Variants in STPG2 observed in about 807,000 individuals in gnomAD.
STPG2 encodes sperm-tail PG-rich repeat-containing protein 2.
Under a neutral mutation model 54.2 loss-of-function variants are expected in STPG2, and 56 were observed. The ratio of observed to expected loss-of-function variants is 1.03; its 90% CI spans 0.83 to 1.29. STPG2 has a LOEUF of 1.29. Among genes scored for constraint, STPG2 ranks in the 50% most tolerant of loss-of-function variants. The pLI is 0.00. For synonymous variants in STPG2, 200 were observed against 181.8 expected (o/e 1.10, Z -0.81); for missense variants, 596 against 544.9 (o/e 1.09, Z -0.93).
chr4:97,683,373 A>G (rs1723088794), intron 10 of STPG2, among the ~76,000 whole-genome samples: 1 of 151,978 alleles, frequency 6.6e-6, no homozygotes, highest in Middle Eastern at 3.4e-3. Context: ...TTTATTTACA[A>G]TTAGCAACAA....
At chr4:98,137,269 G>A (rs1324805850) in intron 1 of STPG2, among the ~76,000 whole-genome samples, 3 of 151,038 alleles carry the variant, frequency 2.0e-5, no homozygotes, top group Non-Finnish European at 4.4e-5. Flanking sequence ...AATGATAAAG[G>A]GGTCATTTCA....
At chr4:97,449,863 C>G (rs1459616384) in intron 4 of STPG2, among the ~76,000 whole-genome samples, 1 of 152,148 alleles carries the variant, frequency 6.6e-6, no homozygotes, top group Non-Finnish European at 1.5e-5. Context: ...TCCACATATC[C>G]TATTGTTTTG....
chr4:97,866,463 C>A (rs1176107916), intron 8 of STPG2, among the ~76,000 whole-genome samples: 3 of 151,850 alleles, frequency 2.0e-5, no homozygotes, highest in Non-Finnish European at 4.4e-5. Context: ...GGTTTGATAT[C>A]CTTCTTAATG....
chr4:97,849,776 T>C (rs1729091643), intron 8 of STPG2, among the ~76,000 whole-genome samples: 1 of 151,476 alleles, frequency 6.6e-6, no homozygotes, highest in Admixed American at 6.6e-5. Flanking sequence ...AAACAACAGG[T>C]GCTGGAGAGG....
chr4:97,796,711 A>C (rs1300706814), intron 9 of STPG2, among the ~76,000 whole-genome samples: 1 of 152,180 alleles, frequency 6.6e-6, no homozygotes, highest in Non-Finnish European at 1.5e-5. Flanking sequence ...TATAAACTTT[A>C]AAGTAGTTTT....
chr4:97,959,224 G>C (rs1218370098), intron 7 of STPG2, among the ~76,000 whole-genome samples: 1 of 152,108 alleles, frequency 6.6e-6, no homozygotes, highest in East Asian at 1.9e-4. Context: ...CAAAGGTAGT[G>C]CTAAGAGGAA....
chr4:97,853,769 G>A (rs1027738020), intron 8 of STPG2, among the ~76,000 whole-genome samples: 3 of 152,026 alleles, frequency 2.0e-5, no homozygotes, highest in Non-Finnish European at 2.9e-5. Flanking sequence ...AAAATGCTAC[G>A]GAAGTGATAC....
In STPG2 at chr4:98,073,490, C is replaced by T. The variant is rs1416636712; in HGVS notation, c.612+32463G>A. ...CCTGTAATCCCAGCACTTTGGGAAG[C>T]CGAGGCAGGTGGATCACCTGAGGTC... On this transcript the variant is annotated intron_variant, in intron 5 of 10. Transcript: ENST00000295268. 7.2e-5 allele frequency among the ~76,000 whole-genome samples: 11 copies of T among 152,098 alleles called. 1 individual carries two copies.
At chr4:97,910,230 A>T (rs2149198770) in intron 8 of STPG2, among the ~76,000 whole-genome samples, 1 of 152,284 alleles carries the variant, frequency 6.6e-6, no homozygotes, top group Admixed American at 6.5e-5. Flanking sequence ...GAGCCATGTC[A>T]TCGAACTCAT....
At chr4:97,917,862 T>G (rs1731943836) in intron 8 of STPG2, among the ~76,000 whole-genome samples, 1 of 152,250 alleles carries the variant, frequency 6.6e-6, no homozygotes, top group African/African-American at 2.4e-5. Flanking sequence ...ATTAAATATT[T>G]CATAACTATA....
At chr4:98,101,047 T>C (rs1225040924) in intron 5 of STPG2, among the ~76,000 whole-genome samples, 1 of 129,444 alleles carries the variant, frequency 7.7e-6, no homozygotes, top group Non-Finnish European at 1.7e-5. Context: ...TAAAACTGGT[T>C]ATTTCTTCTT....
chr4:97,838,908 C>G (rs1467052156), intron 9 of STPG2, among the ~76,000 whole-genome samples: 1 of 151,426 alleles, frequency 6.6e-6, no homozygotes, highest in Non-Finnish European at 1.5e-5. Context: ...CTGTTATTAT[C>G]CCTTTGAAGT....
At chr4:98,117,075 A>G (rs1461001926) in intron 3 of STPG2, among the ~76,000 whole-genome samples, 1 of 152,010 alleles carries the variant, frequency 6.6e-6, no homozygotes, top group African/African-American at 2.4e-5. Context: ...TTGTCTGATA[A>G]CATTTCATTT....
At chr4:97,801,315 T>C (rs1169639934) in intron 9 of STPG2, among the ~76,000 whole-genome samples, 17 of 152,170 alleles carry the variant, frequency 1.1e-4, no homozygotes, top group Non-Finnish European at 1.5e-5. Context: ...TATTCAGCCA[T>C]CTTGGAACCT....
At chr4:98,070,843 T>G (rs745686890) in intron 5 of STPG2, among the ~76,000 whole-genome samples, 3 of 152,070 alleles carry the variant, frequency 2.0e-5, no homozygotes, top group Non-Finnish European at 4.4e-5. Context: ...TACAAACCAC[T>G]GCTTAAGGAA....
At chr4:97,952,441 G>A (rs996551956) in intron 7 of STPG2, among the ~76,000 whole-genome samples, 6 of 152,108 alleles carry the variant, frequency 3.9e-5, no homozygotes, top group Non-Finnish European at 7.4e-5. Context: ...CCTGCCAGCT[G>A]GATTCTTTTG....
chr4:97,827,642 A>G (rs1728304242), intron 9 of STPG2, among the ~76,000 whole-genome samples: 1 of 152,214 alleles, frequency 6.6e-6, no homozygotes, highest in African/African-American at 2.4e-5. Flanking sequence ...AGCCGTGGGT[A>G]TTCTTAACTT....
intron 9 of STPG2, among the ~76,000 whole-genome samples, chr4:97,827,759 C>G (rs865864414): frequency 6.6e-6 from 1 of 152,166 alleles, no homozygotes; most frequent in African/African-American, 2.4e-5. Context: ...TGGAATGGCA[C>G]ACTTTCCTTT....
chr4:97,519,214 A>G (rs1731133825), intron 4 of STPG2, among the ~76,000 whole-genome samples: 1 of 152,104 alleles, frequency 6.6e-6, no homozygotes, highest in South Asian at 2.1e-4. Flanking sequence ...AGAAATCAAT[A>G]AAGATCCTGT....
Sources: allele counts gnomAD v4.1 joint callset (sites outside exome capture counted in the v4.1 genomes callset), GRCh38; gene constraint gnomAD v4.1.1; transcripts MANE v1.5; gene names NCBI Gene and HGNC (gene_info 2026-07-23, HGNC 2026-07-21).